Variants in BEAN1 observed in about 807,000 individuals in gnomAD.
BEAN1 encodes brain expressed associated with NEDD4 1.
A neutral mutation model predicts 17.7 loss-of-function variants in BEAN1; 17 were observed. That is an observed-to-expected ratio of 0.96 (90% CI 0.66 to 1.44). The LOEUF is 1.44. Among genes scored for constraint, BEAN1 ranks in the 40% most tolerant of loss-of-function variants. BEAN1 has a pLI of 0.00. For synonymous variants in BEAN1, 142 were observed against 151.8 expected (o/e 0.94, Z 0.47); for missense variants, 359 against 374.1 (o/e 0.96, Z 0.33).
At chr16:66,446,992 A>G (rs1278245090) in intron 2 of BEAN1, among the ~76,000 whole-genome samples, 1 of 152,188 alleles carries the variant, frequency 6.6e-6, no homozygotes, top group Non-Finnish European at 1.5e-5. Flanking sequence ...GAACCCAGCC[A>G]GCTGTGGTGG....
chr16:66,474,553 GGAGAGAGGGAGGGAGA>G (rs1567504898), intron 3 of BEAN1, among the ~76,000 whole-genome samples: 2 of 99,042 alleles, frequency 2.0e-5, no homozygotes, highest in African/African-American at 9.5e-5. Flanking sequence ...AAAGAGGGAG[GGAGAGAGGGAGGGAGA>G]GAGGGAGGGA....
chr16:66,484,996 C>G (rs1329426990), downstream of BEAN1: 1 of 454,132 alleles, frequency 2.2e-6, no homozygotes, highest in Non-Finnish European at 4.4e-6. The surrounding 1 kb of genome is among the most constrained non-coding windows in gnomAD (Gnocchi z 4.2). Context: ...CAAGAGCCAT[C>G]ATTGGGTCCC....
chr16:66,494,975 C>T (rs903809577), downstream of BEAN1, among the ~76,000 whole-genome samples: 1 of 152,156 alleles, frequency 6.6e-6, no homozygotes, highest in Non-Finnish European at 1.5e-5. Context: ...TCTAGGCTTC[C>T]CATCTGTGAA....
downstream of BEAN1, among the ~76,000 whole-genome samples, chr16:66,495,086 C>T (rs920838324): frequency 6.6e-6 from 1 of 152,172 alleles, no homozygotes; most frequent in Non-Finnish European, 1.5e-5. Context: ...GAGCATATAA[C>T]CACACCACTT....
chr16:66,480,776 G>T lies in BEAN1; in HGVS notation c.631G>T (p.Asp211Tyr). 1 of 1,551,054 alleles carries T rather than the reference G, an allele frequency of 6.4e-7. No individual in the cohort carries two copies. Among genetic ancestry groups the T allele is most frequent in the South Asian group, 1.2e-5 (1 of 84,002 alleles). ...AQGGLHTVSM[D>Y]TLPPYEAVCG... ...AGGTGGCCTTCACACGGTCTCCATG[G>T]ACACCCTTCCCCCCTACGAGGCTGT... Residue 211 changes from aspartate to tyrosine, a missense_variant, in exon 5 of 5, where the codon GAC becomes TAC. Coordinates refer to ENST00000536005, the MANE Select transcript of BEAN1 (RefSeq NM_001178020.3).
At chr16:66,472,691 G>A (rs951924977) in intron 3 of BEAN1, among the ~76,000 whole-genome samples, 6 of 150,814 alleles carry the variant, frequency 4.0e-5, no homozygotes, top group Non-Finnish European at 5.9e-5. Flanking sequence ...GTGGCAGAAC[G>A]AGACTCTGTC....
chr16:66,493,580 C>T (rs1964207240), downstream of BEAN1: 2 of 563,670 alleles, frequency 3.5e-6, no homozygotes, highest in Admixed American at 3.3e-5. Flanking sequence ...ACTCCCAGGC[C>T]CAGCCCTGGC....
At chr16:66,430,951 A>G (rs1458510340) in intron 1 of BEAN1, among the ~76,000 whole-genome samples, 3 of 152,246 alleles carry the variant, frequency 2.0e-5, no homozygotes, top group South Asian at 2.1e-4. Context: ...TTGATTGAAA[A>G]TAAAACATTA....
intron 3 of BEAN1, chr16:66,475,896 G>C (rs1046156780): frequency 6.6e-6 from 1 of 152,314 alleles, no homozygotes; most frequent in African/African-American, 2.4e-5. Context: ...AGATCACGAG[G>C]TCAGGAGATT....
chr16:66,437,394 C>T (rs1596978992), intron 1 of BEAN1, among the ~76,000 whole-genome samples: 1 of 152,196 alleles, frequency 6.6e-6, no homozygotes, highest in African/African-American at 2.4e-5. Context: ...CCAACACACA[C>T]TTGCCCTACC....
At chr16:66,440,346 G>A (rs753380272) in intron 2 of BEAN1, among the ~76,000 whole-genome samples, 17 of 152,082 alleles carry the variant, frequency 1.1e-4, no homozygotes, top group Admixed American at 2.6e-4. Context: ...GACCAGGCTC[G>A]TCTCGAACTC....
At position 66,447,564 on chromosome 16, in the gene BEAN1, T is replaced by C. The variant is rs567754572; in HGVS notation, c.25+9863T>C. ...CTGCCCAGGGAGAGAACACATCTTCTCTCTCCCTTCCCTACCAGCCCCAGG... is the reference window on the plus strand; with the variant it reads ...CTGCCCAGGGAGAGAACACATCTTCCCTCTCCCTTCCCTACCAGCCCCAGG... On this transcript the variant is annotated intron_variant, in intron 2 of 4. Transcript: ENST00000536005. Among the ~76,000 whole-genome samples, 4 of 152,228 alleles carry C rather than the reference T, an allele frequency of 2.6e-5. 1 individual carries two copies. In the South Asian group the frequency reaches 8.3e-4, roughly 32 times the overall value.
chr16:66,456,628 T>A (rs962818918), intron 2 of BEAN1, among the ~76,000 whole-genome samples: 1 of 152,236 alleles, frequency 6.6e-6, no homozygotes. Flanking sequence ...TCAAGTGGAA[T>A]GTTTAATTCT....
chr16:66,480,683 G>A lies in BEAN1; in HGVS notation c.538G>A (p.Gly180Ser). The A allele has an allele frequency of 6.4e-7, 1 of 1,551,664 alleles. No homozygotes were observed. The highest frequency in any genetic ancestry group is 8.7e-7 in the Non-Finnish European group (1 of 1,146,968). The change falls in exon 5 of 5, where the codon GGC becomes AGC. Residue 180 changes from glycine to serine, a missense_variant. Gly to Ser is a moderately conservative substitution (Grantham distance 56). Transcript: ENST00000536005. ...GACTGATTCCTGCCCCACGCTGGAT[G>A]GCACCTCCGACTCAGGCAGCGGCCA... Reference protein sequence around the residue: ...SLTDSCPTLDGTSDSGSGHSP... With the variant: ...SLTDSCPTLDSTSDSGSGHSP...
In BEAN1 at chr16:66,474,569, AGAGG is replaced by A. The variant is rs1392773404; in HGVS notation, c.290-2983_290-2980del. On this transcript the variant is annotated intron_variant, in intron 3 of 4. Coordinates refer to ENST00000536005, the MANE Select transcript of BEAN1 (RefSeq NM_001178020.3). ...AAGAGGGAGGGAGAGAGGGAGGGAG[AGAGG>A]GAGGGAGAGAGGGAGGGAGGGAGGG... is the stretch of plus-strand genomic sequence containing the variant. Among the ~76,000 whole-genome samples, 268 of 38,802 alleles carry A rather than the reference AGAGG, an allele frequency of 6.9e-3. 10 individuals are homozygous for A. Among genetic ancestry groups the A allele is most frequent in the African/African-American group, 0.03 (252 of 8,286 alleles). The allele number at this position is 38,802 out of a possible 152,430, so 25.5% of individuals were successfully genotyped here.
At chr16:66,470,220 T>TGGA (rs1490660170) in intron 3 of BEAN1, among the ~76,000 whole-genome samples, 3 of 126,330 alleles carry the variant, frequency 2.4e-5, no homozygotes, top group African/African-American at 6.0e-5. Context: ...GGATGGATGG[T>TGGA]TGGGTGGAGA....
intron 4 of BEAN1, among the ~76,000 whole-genome samples, chr16:66,492,196 C>A (rs140309022): frequency 6.6e-6 from 1 of 151,896 alleles, no homozygotes; most frequent in African/African-American, 2.4e-5. Context: ...TGTCCACCAA[C>A]ACACCTGGCT....
chr16:66,475,081 G>A (rs1963680798), intron 3 of BEAN1, among the ~76,000 whole-genome samples: 2 of 152,300 alleles, frequency 1.3e-5, no homozygotes, highest in South Asian at 4.1e-4. Flanking sequence ...AAGGTATCGG[G>A]GTAAACAGGA....
At position 66,480,920 on chromosome 16, in the gene BEAN1, G is replaced by C. The variant is rs1963965411; in HGVS notation, c.775G>C (p.Val259Leu). Residue 259 changes from valine to leucine, a missense_variant, in exon 5 of 5, where the codon GTG (valine) becomes CTG (leucine). Transcript: ENST00000536005. Reference protein sequence around the residue: ...RAPASGPERIV With the variant: ...RAPASGPERIL ...CCCAGCCTCTGGCCCAGAGAGGATT[G>C]TGTGAGGGACCCAGCCAGCCGGGTC... The C allele has an allele frequency of 2.1e-6, 3 of 1,447,294 alleles. No homozygotes were observed. The highest frequency in any genetic ancestry group is 2.7e-6 in the Non-Finnish European group (3 of 1,096,626). 89.7% of individuals were successfully genotyped at this position (1,447,294 alleles called of 1,614,324 possible). A position where few individuals can be genotyped will look rare whatever the true frequency, so the allele number is the denominator to read the frequency against.
Sources: allele counts gnomAD v4.1 joint callset (sites outside exome capture counted in the v4.1 genomes callset), GRCh38; gene constraint gnomAD v4.1.1; non-coding constraint Gnocchi (gnomAD v3.1); transcripts MANE v1.5; gene names NCBI Gene and HGNC (gene_info 2026-07-23, HGNC 2026-07-21).